Variants in OLFM2 observed in about 807,000 individuals in gnomAD.
OLFM2 encodes noelin-2.
OLFM2 carries 20 observed loss-of-function variants against 43.9 expected under a neutral mutation model. That is an observed-to-expected ratio of 0.46 (90% CI 0.32 to 0.66). OLFM2 has a LOEUF of 0.66. Among genes scored for constraint, OLFM2 ranks in the 30% least tolerant of loss-of-function variants. The probability of loss-of-function intolerance (pLI) is 0.04; values close to 1 mark genes in which losing one functional copy is unlikely to be tolerated. For synonymous variants in OLFM2, 268 were observed against 278.6 expected, an observed-to-expected ratio of 0.96 and a Z score of 0.38; for missense variants, 416 against 643.6, an observed-to-expected ratio of 0.65 and a Z score of 3.83.
intron 1 of OLFM2, among the ~76,000 whole-genome samples, chr19:9,926,651 T>G (rs913163595): frequency 6.6e-6 from 1 of 152,054 alleles, no homozygotes; most frequent in African/African-American, 2.4e-5. Flanking sequence ...CATTTAAACA[T>G]GCACAACCTC....
At position 9,855,529 on chromosome 19, in the gene OLFM2, C is replaced by T. The variant is rs374770119; in HGVS notation, c.688-666G>A. 1.1e-4 allele frequency among the ~76,000 whole-genome samples: 16 copies of T among 151,950 alleles called. 1 individual carries two copies. Among genetic ancestry groups the T allele is most frequent in the East Asian group, 3.9e-4 (2 of 5,166 alleles). Reference sequence around the variant, plus strand: ...CTGGGATTACAGGCATGAGCCACCACGCCTGGCCTTTTTTTTTCTTTTGAA... The same window carrying T: ...CTGGGATTACAGGCATGAGCCACCATGCCTGGCCTTTTTTTTTCTTTTGAA... On this transcript the variant is annotated intron_variant, in intron 5 of 5. Coordinates refer to ENST00000264833, the MANE Select transcript of OLFM2 (RefSeq NM_058164.4).
intron 1 of OLFM2, among the ~76,000 whole-genome samples, chr19:9,923,557 G>GA (rs796943036): frequency 0.037 from 2,879 of 78,136 alleles, 40 homozygotes; most frequent in African/African-American, 0.062. Flanking sequence ...ACTGTCTCAG[G>GA]AAAAAAAAAA....
At chr19:9,926,508 C>T (rs527707902) in intron 1 of OLFM2, among the ~76,000 whole-genome samples, 22 of 149,054 alleles carry the variant, frequency 1.5e-4, no homozygotes, top group South Asian at 1.3e-3. Context: ...GCTGAGATCG[C>T]GCCACTGCAC....
chr19:9,897,561 G>A (rs565531444), intron 1 of OLFM2, among the ~76,000 whole-genome samples: 1 of 152,222 alleles, frequency 6.6e-6, no homozygotes, highest in East Asian at 1.9e-4. Flanking sequence ...TGGATAAATG[G>A]CTCCGCTGTT....
intron 1 of OLFM2, among the ~76,000 whole-genome samples, chr19:9,929,761 C>A (rs142403674): frequency 0.01 from 1,519 of 151,566 alleles, 31 homozygotes; most frequent in African/African-American, 0.036. Flanking sequence ...CATACCAGGC[C>A]AGGCGTGGTG....
At chr19:9,930,277 A>C (rs1474151511) in intron 1 of OLFM2, among the ~76,000 whole-genome samples, 1 of 152,204 alleles carries the variant, frequency 6.6e-6, no homozygotes, top group Non-Finnish European at 1.5e-5. Flanking sequence ...TTATTTAAAA[A>C]TTTGTTTTTA....
intron 1 of OLFM2, among the ~76,000 whole-genome samples, chr19:9,894,967 A>C (rs1015759847): frequency 6.6e-6 from 1 of 151,988 alleles, no homozygotes; most frequent in Non-Finnish European, 1.5e-5. Context: ...GCTCAAACTG[A>C]AGTGCACAGC....
intron 1 of OLFM2, among the ~76,000 whole-genome samples, chr19:9,871,668 C>CA (rs2046443701): frequency 6.6e-6 from 1 of 151,976 alleles, no homozygotes; most frequent in Admixed American, 6.6e-5. Context: ...ACACAGTCTA[C>CA]ACTGGCTTGC....
At chr19:9,878,947 A>G (rs2046515539) in intron 1 of OLFM2, among the ~76,000 whole-genome samples, 1 of 152,038 alleles carries the variant, frequency 6.6e-6, no homozygotes, top group Admixed American at 6.6e-5. Flanking sequence ...CCTGGACTCA[A>G]GCGATCCTCC....
Position 9,854,420 on chromosome 19 carries a change from G to A in OLFM2, c.1131C>T (p.Cys377=), listed in dbSNP as rs201073308. The A allele has an allele frequency of 1.2e-5, 20 of 1,614,182 alleles. No individual in the cohort carries two copies. The highest frequency in any genetic ancestry group is 4.4e-5 in the South Asian group (4 of 91,086). Residue 377 remains cysteine (C), a synonymous_variant, in exon 6 of 6, where the codon TGC becomes TGT. Transcript: ENST00000264833. This position sits in a 1 kb window ranked among gnomAD's most constrained non-coding sequence, Gnocchi z 9.5. ...KRSAGEAFMI[C]GVLYVTNSHL... ...GGGAGTTGGTCACGTAGAGCACACC[G>A]CAGATCATGAAGGCCTCGCCAGCGC... is the stretch of plus-strand genomic sequence containing the variant.
chr19:9,927,923 C>A (rs2086462813), intron 1 of OLFM2, among the ~76,000 whole-genome samples: 1 of 150,252 alleles, frequency 6.7e-6, no homozygotes, highest in Admixed American at 6.6e-5. Context: ...TTAGCTGGGC[C>A]CTGTGGCTCA....
chr19:9,913,377 G>A, intron 1 of OLFM2: 1 of 584,732 alleles, frequency 1.7e-6, no homozygotes, highest in Non-Finnish European at 2.2e-6. Context: ...GGGAAGCACA[G>A]GGGTAGAGGG....
chr19:9,868,454 A>C (rs999844831), intron 1 of OLFM2, among the ~76,000 whole-genome samples: 21 of 151,942 alleles, frequency 1.4e-4, no homozygotes, highest in Non-Finnish European at 3.1e-4. Flanking sequence ...CAGTTCTCCC[A>C]CCTCAGCCTC....
At chr19:9,896,189 G>A (rs937525936) in intron 1 of OLFM2, among the ~76,000 whole-genome samples, 7 of 138,742 alleles carry the variant, frequency 5.0e-5, no homozygotes, top group African/African-American at 1.3e-4. Context: ...CAAGCTCCGC[G>A]TCCCGGGTTC....
In OLFM2 at chr19:9,853,973, T is replaced by A; in HGVS notation, c.*213A>T. 2 of 565,536 alleles carry A rather than the reference T, an allele frequency of 3.5e-6. No homozygotes were observed. The highest frequency in any genetic ancestry group is 2.4e-5 in the South Asian group (1 of 42,494). The allele number at this position is 565,536 out of a possible 1,614,324, so 35.0% of individuals were successfully genotyped here. ...CCATAAAAAGGCAGAAAGAAAGAAGTGGTGTATTAAAAGCAGAGATCAATA... is the reference window on the plus strand; with the variant it reads ...CCATAAAAAGGCAGAAAGAAAGAAGAGGTGTATTAAAAGCAGAGATCAATA... On this transcript the variant is annotated 3_prime_UTR_variant, in exon 6 of 6. Coordinates refer to ENST00000264833, the MANE Select transcript of OLFM2 (RefSeq NM_058164.4).
intron 1 of OLFM2, among the ~76,000 whole-genome samples, chr19:9,865,642 C>G (rs996736968): frequency 2.6e-5 from 4 of 151,328 alleles, no homozygotes; most frequent in Non-Finnish European, 5.9e-5. Context: ...CAGGCATGCA[C>G]CACCACGCCT....
intron 1 of OLFM2, among the ~76,000 whole-genome samples, chr19:9,869,040 G>A (rs1432030249): frequency 7.4e-6 from 1 of 135,708 alleles, no homozygotes. Context: ...AACAGAGCCA[G>A]AAACGAGGCT....
chr19:9,854,079 G>A lies in OLFM2; in HGVS notation c.*107C>T. ...AGCCCAGCAAAAAGGCGGGGAGAAA[G>A]GGCGTGACAGAGACAGAGAGATCAC... On this transcript the variant is annotated 3_prime_UTR_variant, in exon 6 of 6. Coordinates refer to ENST00000264833, the MANE Select transcript of OLFM2 (RefSeq NM_058164.4). This position sits in a 1 kb window ranked among gnomAD's most constrained non-coding sequence, Gnocchi z 9.5. The A allele has an allele frequency of 2.0e-6, 2 of 993,016 alleles. No individual in the cohort carries two copies. Among genetic ancestry groups the A allele is most frequent in the South Asian group, 1.5e-5 (1 of 68,000 alleles). 61.5% of individuals were successfully genotyped at this position (993,016 alleles called of 1,614,324 possible).
At chr19:9,877,564 AAAT>A (rs1568372939) in intron 1 of OLFM2, among the ~76,000 whole-genome samples, 1 of 150,566 alleles carries the variant, frequency 6.6e-6, no homozygotes, top group Non-Finnish European at 1.5e-5. Flanking sequence ...ATAAATAAAT[AAAT>A]AAATAAATAC....
Sources: gnomAD v4.1 joint callset for allele counts (sites outside exome capture counted in the v4.1 genomes callset) on GRCh38, gnomAD v4.1.1 for gene constraint, Gnocchi (gnomAD v3.1) non-coding constraint, MANE v1.5 for transcripts, NCBI Gene and HGNC (gene_info 2026-07-23, HGNC 2026-07-21) for gene names.